The following CNTNAP5 variants were observed in gnomAD, a reference collection of about 807,000 sequenced individuals.
CNTNAP5 encodes the protein contactin-associated protein-like 5.
CNTNAP5 carries 72 observed loss-of-function variants against 150.2 expected under a neutral mutation model. That is an observed-to-expected ratio of 0.48 (90% CI 0.40 to 0.58). The LOEUF (loss-of-function observed/expected upper bound fraction) is 0.58. CNTNAP5 is among the 20% of genes least tolerant of loss of function. The probability of loss-of-function intolerance (pLI) is 0.00; values close to 1 mark genes in which losing one functional copy is unlikely to be tolerated. For synonymous variants in CNTNAP5, 672 were observed against 619.8 expected, an observed-to-expected ratio of 1.08 and a Z score of -1.25; for missense variants, 1,636 against 1,626.2, an observed-to-expected ratio of 1.01 and a Z score of -0.10.
chr2:124,563,340 T>G lies in CNTNAP5; in HGVS notation c.1756+17T>G. 1 of 1,493,068 alleles carries G rather than the reference T, an allele frequency of 6.7e-7. No homozygotes were observed. Among genetic ancestry groups the G allele is most frequent in the Non-Finnish European group, 9.2e-7 (1 of 1,092,336 alleles). 92.5% of individuals were successfully genotyped at this position (1,493,068 alleles called of 1,614,324 possible). A position where few individuals can be genotyped will look rare whatever the true frequency, so the allele number is the denominator to read the frequency against. ...GCCACAACTGTGAGTAGATTGATCA[T>G]TTGCCCCTGGTGGCTTGGACAAAAC... On this transcript the variant is annotated intron_variant, in intron 11 of 23. Transcript: ENST00000682447.
At chr2:124,137,138 C>T (rs1002127326) in intron 1 of CNTNAP5, among the ~76,000 whole-genome samples, 3 of 152,146 alleles carry the variant, frequency 2.0e-5, no homozygotes, top group African/African-American at 7.2e-5. Context: ...CCCTTTCTAT[C>T]ACCACCTCGT....
intron 1 of CNTNAP5, among the ~76,000 whole-genome samples, chr2:124,168,623 G>A (rs1022142639): frequency 1.3e-5 from 2 of 152,100 alleles, no homozygotes; most frequent in African/African-American, 4.8e-5. Context: ...ATTAGACCTG[G>A]CCTCAACAGA....
chr2:124,408,253 A>G (rs1256811390), intron 3 of CNTNAP5, among the ~76,000 whole-genome samples: 1 of 152,114 alleles, frequency 6.6e-6, no homozygotes, highest in Non-Finnish European at 1.5e-5. Flanking sequence ...AGTCTCGCTG[A>G]TTGCTAGCAC....
intron 21 of CNTNAP5, among the ~76,000 whole-genome samples, chr2:124,886,953 A>G (rs1678094216): frequency 6.6e-6 from 1 of 152,006 alleles, no homozygotes; most frequent in Non-Finnish European, 1.5e-5. Flanking sequence ...TTTGAAATAT[A>G]TCATTACTTC....
chr2:124,689,878 A>G (rs1025147111), intron 13 of CNTNAP5, among the ~76,000 whole-genome samples: 56 of 152,080 alleles, frequency 3.7e-4, no homozygotes, highest in African/African-American at 1.2e-3. Context: ...TGTGTGCCCA[A>G]TATAGGACAA....
At chr2:124,380,137 T>G (rs1690750362) in intron 3 of CNTNAP5, among the ~76,000 whole-genome samples, 3 of 152,194 alleles carry the variant, frequency 2.0e-5, no homozygotes, top group Non-Finnish European at 4.4e-5. Flanking sequence ...TTGAAGACAT[T>G]ATTTCAGATA....
chr2:124,491,395 G>T (rs1694022272), intron 7 of CNTNAP5, among the ~76,000 whole-genome samples: 1 of 151,524 alleles, frequency 6.6e-6, no homozygotes, highest in African/African-American at 2.4e-5. Context: ...ATATATGTAT[G>T]TGTGTATATA....
chr2:124,380,762 C>G (rs979671178), intron 3 of CNTNAP5, among the ~76,000 whole-genome samples: 1 of 152,088 alleles, frequency 6.6e-6, no homozygotes, highest in Non-Finnish European at 1.5e-5. Context: ...GTGTGCTATG[C>G]GCAAGGCACT....
At chr2:124,750,703 AG>A (rs1180697895) in intron 14 of CNTNAP5, among the ~76,000 whole-genome samples, 1 of 151,988 alleles carries the variant, frequency 6.6e-6, no homozygotes, top group Non-Finnish European at 1.5e-5. Context: ...AGTAGTGGCA[AG>A]GTCGGACATA....
At chr2:124,643,694 C>G (rs1296614177) in intron 12 of CNTNAP5, among the ~76,000 whole-genome samples, 1 of 152,144 alleles carries the variant, frequency 6.6e-6, no homozygotes. Context: ...GAGTGCCAGA[C>G]AGTCTATGTG....
At chr2:124,477,839 C>A (rs978373852) in intron 7 of CNTNAP5, among the ~76,000 whole-genome samples, 2 of 151,890 alleles carry the variant, frequency 1.3e-5, no homozygotes, top group Non-Finnish European at 2.9e-5. Flanking sequence ...CATGCACTAC[C>A]AGAAGTTTAG....
chr2:124,809,632 A>T (rs1682162438), intron 19 of CNTNAP5, among the ~76,000 whole-genome samples: 1 of 152,040 alleles, frequency 6.6e-6, no homozygotes, highest in South Asian at 2.1e-4. Flanking sequence ...TGGAAATGTG[A>T]TAGAGAAATT....
At chr2:124,885,159 A>G (rs1678052209) in intron 21 of CNTNAP5, among the ~76,000 whole-genome samples, 1 of 152,012 alleles carries the variant, frequency 6.6e-6, no homozygotes, top group South Asian at 2.1e-4. Flanking sequence ...CTCAGGCATG[A>G]GTGGAAGTTG....
intron 13 of CNTNAP5, among the ~76,000 whole-genome samples, chr2:124,668,122 A>G (rs527825557): frequency 1.3e-5 from 2 of 152,318 alleles, no homozygotes; most frequent in South Asian, 2.1e-4. Flanking sequence ...CTGGCCCTGT[A>G]AGGCTGTCTG....
intron 1 of CNTNAP5, among the ~76,000 whole-genome samples, chr2:124,096,211 T>C (rs982360089): frequency 2.0e-5 from 3 of 152,220 alleles, no homozygotes; most frequent in Admixed American, 1.3e-4. Flanking sequence ...TCACTATTTG[T>C]CTTTAGTTCC....
intron 1 of CNTNAP5, among the ~76,000 whole-genome samples, chr2:124,107,242 G>C (rs1161246304): frequency 6.6e-6 from 1 of 152,164 alleles, no homozygotes; most frequent in East Asian, 1.9e-4. Flanking sequence ...ACCTGGAATT[G>C]AGAACAATGA....
At chr2:124,239,014 A>C (rs1418637075) in intron 2 of CNTNAP5, among the ~76,000 whole-genome samples, 3 of 152,100 alleles carry the variant, frequency 2.0e-5, no homozygotes, top group Non-Finnish European at 4.4e-5. Context: ...TTTGGCTGAA[A>C]CTCTTGGGCT....
chr2:124,722,805 C>G (rs918593423), intron 13 of CNTNAP5, among the ~76,000 whole-genome samples: 3 of 152,166 alleles, frequency 2.0e-5, no homozygotes, highest in African/African-American at 7.2e-5. Context: ...ACCTTTGAGT[C>G]CTTCTTCCCT....
At chr2:124,524,167 G>A in intron 8 of CNTNAP5, 136 bp from the exon 9 acceptor site, 1 of 718,692 alleles carries the variant, frequency 1.4e-6, no homozygotes. Flanking sequence ...ATCTTCCAAG[G>A]GCTTGTATCC....
Sources: gnomAD v4.1 joint callset for allele counts (sites outside exome capture counted in the v4.1 genomes callset) on GRCh38, gnomAD v4.1.1 for gene constraint, MANE v1.5 for transcripts, NCBI Gene and HGNC (gene_info 2026-07-23, HGNC 2026-07-21) for gene names.